The following GRIN2A variants were observed in gnomAD, a reference collection of about 807,000 sequenced individuals.
GRIN2A encodes the protein glutamate receptor ionotropic, NMDA 2A.
A neutral mutation model predicts 113.4 loss-of-function variants in GRIN2A; 22 were observed. The ratio of observed to expected loss-of-function variants is 0.19; its 90% confidence interval spans 0.14 to 0.28. The LOEUF is 0.28. Ranked by LOEUF, GRIN2A falls within the 10% of genes least tolerant of loss-of-function variation. The pLI is 1.00. For missense variants in GRIN2A, 1,502 were observed against 1,887.0 expected (o/e 0.80, Z 3.78); for synonymous variants, 827 against 738.4 (o/e 1.12, Z -1.94).
At chr16:10,111,788 G>A (rs1423192270) in intron 2 of GRIN2A, 32 of 1,447,178 alleles carry the variant, frequency 2.2e-5, no homozygotes, top group South Asian at 4.6e-5. Context: ...GCCAAGATCC[G>A]GCATGGCTTC....
intron 3 of GRIN2A, among the ~76,000 whole-genome samples, chr16:9,906,863 G>C (rs2044037842): frequency 6.6e-6 from 1 of 152,186 alleles, no homozygotes; most frequent in Non-Finnish European, 1.5e-5. Flanking sequence ...TTGTTTTCAA[G>C]ATAGGGTCTT....
At chr16:9,965,885 G>A (rs1464752178) in intron 2 of GRIN2A, among the ~76,000 whole-genome samples, 1 of 152,154 alleles carries the variant, frequency 6.6e-6, no homozygotes, top group Non-Finnish European at 1.5e-5. Flanking sequence ...AGAATGTGTG[G>A]CCTCTTGGTT....
At chr16:10,122,970 G>A (rs1020287485) in intron 2 of GRIN2A, among the ~76,000 whole-genome samples, 2 of 152,150 alleles carry the variant, frequency 1.3e-5, no homozygotes, top group East Asian at 1.9e-4. Flanking sequence ...TAAGGATTCC[G>A]ATGTCTAAGA....
intron 9 of GRIN2A, among the ~76,000 whole-genome samples, chr16:9,825,264 G>C (rs1169514593): frequency 1.3e-5 from 2 of 152,200 alleles, no homozygotes; most frequent in East Asian, 3.9e-4. Flanking sequence ...GTAAATTGGA[G>C]ATTGCTTTTG....
In GRIN2A at chr16:9,908,859, C is replaced by A. The variant is rs1352861926; in HGVS notation, c.1008-17759G>T. ...GATGCACCACACCGTGGCCTGGCAC[C>A]AGGCCCTCCCTGGTGACATTGGGAA... On this transcript the variant is annotated intron_variant, in intron 3 of 12. Transcript: ENST00000330684. Among the ~76,000 whole-genome samples the A allele has an allele frequency of 4.6e-5, 7 of 152,234 alleles. No individual in the cohort carries two copies. The East Asian group carries it at 1.4e-3, about 29-fold the overall frequency.
At chr16:10,082,441 G>A (rs2048003449) in intron 2 of GRIN2A, among the ~76,000 whole-genome samples, 1 of 152,192 alleles carries the variant, frequency 6.6e-6, no homozygotes, top group South Asian at 2.1e-4. Context: ...GTGAACCTGT[G>A]AATATGATAG....
intron 4 of GRIN2A, among the ~76,000 whole-genome samples, chr16:9,856,566 A>G (rs1267980613): frequency 1.3e-5 from 2 of 149,340 alleles, no homozygotes; most frequent in African/African-American, 5.0e-5. Context: ...CCGAGCTTGC[A>G]GTGAGCCGAG....
At chr16:9,767,438 T>C (rs867378420) in intron 12 of GRIN2A, among the ~76,000 whole-genome samples, 3 of 152,192 alleles carry the variant, frequency 2.0e-5, no homozygotes, top group African/African-American at 2.4e-5. Flanking sequence ...AGTTCTAGGG[T>C]ACATGTGCAC....
chr16:9,816,357 A>T (rs550763240), intron 10 of GRIN2A, among the ~76,000 whole-genome samples: 4 of 152,270 alleles, frequency 2.6e-5, no homozygotes, highest in African/African-American at 9.6e-5. Context: ...GGAAACCAAC[A>T]GAGACCTGTT....
chr16:9,903,818 C>T (rs1297952837), intron 3 of GRIN2A, among the ~76,000 whole-genome samples: 1 of 152,212 alleles, frequency 6.6e-6, no homozygotes, highest in African/African-American at 2.4e-5. Flanking sequence ...TTTCTGAAGA[C>T]CCTTTACTAC....
At chr16:10,112,924 C>T (rs988905598) in intron 2 of GRIN2A, 13 of 412,182 alleles carry the variant, frequency 3.2e-5, no homozygotes, top group South Asian at 2.4e-4. Flanking sequence ...GAGCATACCC[C>T]AGTGTCCACC....
At chr16:9,991,636 G>A (rs1218557979) in intron 2 of GRIN2A, among the ~76,000 whole-genome samples, 1 of 152,110 alleles carries the variant, frequency 6.6e-6, no homozygotes, top group Admixed American at 6.5e-5. Flanking sequence ...CCACTTATAA[G>A]TGAGAACATG....
Position 10,052,410 on chromosome 16 carries a change from T to C in GRIN2A, c.415-113859A>G, listed in dbSNP as rs545395247. On this transcript the variant is annotated intron_variant, in intron 2 of 12. Transcript: ENST00000330684. ...GCTACAAAGCCTGTGCTCCTTCCCATGCTCACCCTAAGTCCTTTTACATAT... is the reference window on the plus strand; with the variant it reads ...GCTACAAAGCCTGTGCTCCTTCCCACGCTCACCCTAAGTCCTTTTACATAT... 2.6e-5 allele frequency among the ~76,000 whole-genome samples: 4 copies of C among 152,344 alleles called. No individual in the cohort carries two copies. The South Asian group carries it at 8.3e-4, about 32-fold the overall frequency.
At chr16:9,889,034 G>A (rs915741805) in intron 4 of GRIN2A, among the ~76,000 whole-genome samples, 2 of 152,042 alleles carry the variant, frequency 1.3e-5, no homozygotes, top group Non-Finnish European at 2.9e-5. Context: ...ATAGAGTGCT[G>A]TTATTTCTTT....
At chr16:9,920,691 G>A (rs2044342369) in intron 3 of GRIN2A, among the ~76,000 whole-genome samples, 1 of 151,432 alleles carries the variant, frequency 6.6e-6, no homozygotes, top group Non-Finnish European at 1.5e-5. Flanking sequence ...TCAGCCTCCT[G>A]CCGTAGCTGG....
chr16:10,024,350 G>A (rs1217867134), intron 2 of GRIN2A, among the ~76,000 whole-genome samples: 1 of 152,248 alleles, frequency 6.6e-6, no homozygotes, highest in African/African-American at 2.4e-5. Flanking sequence ...AGCCTCCTGA[G>A]TAGCTGGGAT....
At position 9,758,763 on chromosome 16, in the gene GRIN2A, A is replaced by G. The variant is rs1900459423; in HGVS notation, c.*4386T>C. The stretch of plus-strand genomic sequence containing the variant: ...TACAATGTATAGGGATTGAATGGGA[A>G]ACAGTAACTGCATATTGGGAGAACT... On this transcript the variant is annotated 3_prime_UTR_variant, in exon 13 of 13. Transcript: ENST00000330684. 4.7e-6 allele frequency: 1 copy of G among 214,408 alleles called. No individual in the cohort carries two copies. Among genetic ancestry groups the G allele is most frequent in the African/African-American group, 2.3e-5 (1 of 44,342 alleles). 13.3% of individuals were successfully genotyped at this position (214,408 alleles called of 1,614,324 possible).
chr16:9,948,382 G>A (rs1246549169), intron 2 of GRIN2A, among the ~76,000 whole-genome samples: 8 of 152,164 alleles, frequency 5.3e-5, no homozygotes, highest in Non-Finnish European at 1.2e-4. Flanking sequence ...GCAAGCTCCC[G>A]AGTGGCATCA....
intron 2 of GRIN2A, among the ~76,000 whole-genome samples, chr16:10,066,242 C>T (rs576674974): frequency 1.2e-4 from 18 of 152,184 alleles, no homozygotes; most frequent in Admixed American, 2.0e-4. Context: ...GCCTTTACTT[C>T]TGCTACACTG....
Sources: allele counts gnomAD v4.1 joint callset (sites outside exome capture counted in the v4.1 genomes callset), GRCh38; gene constraint gnomAD v4.1.1; transcripts MANE v1.5; gene names NCBI Gene and HGNC (gene_info 2026-07-23, HGNC 2026-07-21).